PLK4: variants seen among roughly 807,000 people sequenced by gnomAD.
The protein encoded by PLK4 is serine/threonine-protein kinase PLK4.
A neutral mutation model predicts 103.0 loss-of-function variants in PLK4; 51 were observed. The observed-to-expected ratio is 0.50, with a 90% CI of 0.40 to 0.63. The LOEUF is 0.63. PLK4 is among the 20% of genes least tolerant of loss of function. The pLI is 0.00. For synonymous variants in PLK4, 389 were observed against 376.8 expected (o/e 1.03, Z -0.38); for missense variants, 1,054 against 1,151.0 (o/e 0.92, Z 1.22).
chr4:127,894,668 A>G (rs1005791213), intron 13 of PLK4, among the ~76,000 whole-genome samples: 2 of 152,198 alleles, frequency 1.3e-5, no homozygotes, highest in African/African-American at 4.8e-5. Context: ...TTAAAGAAAT[A>G]GGTGTGTATA....
In PLK4 at chr4:127,881,344, G is replaced by A. The variant is rs953195329; in HGVS notation, c.30+180G>A. On this transcript the variant is annotated intron_variant, in intron 1 of 15. Coordinates refer to ENST00000270861, the MANE Select transcript of PLK4 (RefSeq NM_014264.5). Reference sequence around the variant, plus strand: ...AGGGGCGGAGCGGCCCGCCCCTCAAGAGACAAGAGTAGGGAAGGCGGGACA... The same window carrying A: ...AGGGGCGGAGCGGCCCGCCCCTCAAAAGACAAGAGTAGGGAAGGCGGGACA... 5 of 1,458,972 alleles carry A rather than the reference G, an allele frequency of 3.4e-6. No homozygotes were observed. In the African/African-American group the frequency reaches 4.3e-5, roughly 12 times the overall value. The allele number at this position is 1,458,972 out of a possible 1,614,324, so 90.4% of individuals were successfully genotyped here. A position where few individuals can be genotyped will look rare whatever the true frequency, so the allele number is the denominator to read the frequency against.
At chr4:127,890,314 C>A in intron 7 of PLK4, 78 bp downstream of exon 7, 1 of 1,158,630 alleles carries the variant, frequency 8.6e-7, no homozygotes. Flanking sequence ...TTTTTTAGTC[C>A]TCTGTAATGT....
rs569066783 is a variant in PLK4, at chr4:127,891,242, T to C, written c.1935+46T>C. 21 of 964,248 alleles carry C rather than the reference T, an allele frequency of 2.2e-5. 1 individual carries two copies. In the South Asian group the frequency reaches 3.1e-4, roughly 14 times the overall value. 59.7% of individuals were successfully genotyped at this position (964,248 alleles called of 1,614,324 possible). On this transcript the variant is annotated intron_variant, in intron 8 of 15. Coordinates refer to ENST00000270861, the MANE Select transcript of PLK4 (RefSeq NM_014264.5). ...TACCTTGCAACTTCAAATTATCGTT[T>C]AAGCACGTTTAGCATTCTAATTCAT...
In PLK4 at chr4:127,890,193, C is replaced by G; in HGVS notation, c.1787C>G (p.Ala596Gly). Residue 596 changes from alanine to glycine, a missense_variant, in exon 7 of 16, where the codon GCT becomes GGT. Transcript: ENST00000270861. ...AGAAGCATTACATCTCCGTTGGTTG[C>G]TCACAGGTTAAAACCAATCAGACAG... ...TLRSITSPLV[A>G]HRLKPIRQKT... The G allele has an allele frequency of 6.2e-7, 1 of 1,613,070 alleles. No individual in the cohort carries two copies. Among genetic ancestry groups the G allele is most frequent in the Non-Finnish European group, 8.5e-7 (1 of 1,179,360 alleles).
At chr4:127,894,852 A>C in intron 13 of PLK4, 101 bp from the exon 14 acceptor site, 1 of 751,814 alleles carries the variant, frequency 1.3e-6, no homozygotes, top group Non-Finnish European at 2.0e-6. Context: ...TGTTTTTAAA[A>C]AAATTAAGCT....
intron 2 of PLK4, among the ~76,000 whole-genome samples, chr4:127,882,639 A>G (rs1232923674): frequency 6.6e-6 from 1 of 152,182 alleles, no homozygotes; most frequent in Non-Finnish European, 1.5e-5. Flanking sequence ...CACACCTGTA[A>G]TCCCAGCTAC....
chr4:127,886,650 C>G lies in PLK4; in HGVS notation c.1280C>G (p.Ala427Gly), dbSNP rs754107191. The change falls in exon 5 of 16, where the codon GCC becomes GGC. Residue 427 changes from alanine to glycine, a missense_variant. Physicochemically the swap from Ala to Gly is moderately conservative, Grantham distance 60 (BLOSUM62 0). This residue lies in a region of PLK4 where 680 missense variants were observed against 660.3 expected (regional missense o/e 1.03). Coordinates refer to ENST00000270861, the MANE Select transcript of PLK4 (RefSeq NM_014264.5). ...AGGTACTCACCCACAGACAACAATG[C>G]CAACATTTTTAACTTCTTTAAAGAA... is the stretch of plus-strand genomic sequence containing the variant. ...EERYSPTDNN[A>G]NIFNFFKEKT... 1 of 1,613,092 alleles carries G rather than the reference C, an allele frequency of 6.2e-7. No homozygotes were observed. The highest frequency in any genetic ancestry group is 1.3e-5 in the African/African-American group (1 of 75,014).
chr4:127,885,095 T>TA (rs768747773), intron 4 of PLK4, among the ~76,000 whole-genome samples: 131 of 150,858 alleles, frequency 8.7e-4, no homozygotes, highest in African/African-American at 2.0e-3. Flanking sequence ...TCTCAGTTGC[T>TA]AAAAAAAAAG....
Position 127,881,124 on chromosome 4 carries a change from A to C in PLK4, c.-11A>C. 6.2e-7 allele frequency: 1 copy of C among 1,613,786 alleles called. No individual in the cohort carries two copies. Among genetic ancestry groups the C allele is most frequent in the East Asian group, 2.2e-5 (1 of 44,868 alleles). On this transcript the variant is annotated 5_prime_UTR_variant, in exon 1 of 16. Transcript: ENST00000270861. ...AGCTAATCCGGAGAACCCAGGCCAG[A>C]GCCTGGAAATATGGCGACCTGCATC... is the stretch of plus-strand genomic sequence containing the variant.
chr4:127,882,891 G>A (rs980776156), intron 2 of PLK4, among the ~76,000 whole-genome samples: 17 of 152,012 alleles, frequency 1.1e-4, no homozygotes, highest in Non-Finnish European at 4.4e-5. Context: ...CTGCACTCCA[G>A]CCTAGGTGAC....
rs933959203 is a variant in PLK4 at position 127,891,591 on chromosome 4, T to C, written c.1948T>C (p.Tyr650His). 8 of 1,498,194 alleles carry C rather than the reference T, an allele frequency of 5.3e-6. No homozygotes were observed. In the Middle Eastern group the frequency reaches 5.6e-4, roughly 104 times the overall value. The allele number at this position is 1,498,194 out of a possible 1,614,324, so 92.8% of individuals were successfully genotyped here. Reference sequence around the variant, plus strand: ...AATCTTTTGGCAGATCACTATTTATTATCCAAATGGTGGTAGAGGTTTTCC... The same window carrying C: ...AATCTTTTGGCAGATCACTATTTATCATCCAAATGGTGGTAGAGGTTTTCC... The part of the protein sequence containing the change: ...SSDGNTITIY[Y>H]PNGGRGFPLA... The change falls in exon 9 of 16, where the codon TAT (tyrosine) becomes CAT (histidine). Residue 650 changes from tyrosine to histidine, a missense_variant. Around this residue, in one of 4 missense-constraint regions of PLK4, gnomAD observed 680 missense variants for 660.3 expected, o/e 1.03. Transcript: ENST00000270861.
At position 127,893,533 on chromosome 4, in the gene PLK4, A is replaced by C; in HGVS notation, c.2343A>C (p.Ala781=). The change falls in exon 12 of 16, where the codon GCA becomes GCC. Residue 781 remains alanine (A), a synonymous_variant. Coordinates refer to ENST00000270861, the MANE Select transcript of PLK4 (RefSeq NM_014264.5). ...HANEGHRICL[A]LESIISEEER... Reference sequence around the variant, plus strand: ...AATAGGGTCATCGTATTTGTTTAGCACTGGAATCCATAATTTCAGAAGAGG... The same window carrying C: ...AATAGGGTCATCGTATTTGTTTAGCCCTGGAATCCATAATTTCAGAAGAGG... 2 of 1,612,670 alleles carry C rather than the reference A, an allele frequency of 1.2e-6. No individual in the cohort carries two copies. The highest frequency in any genetic ancestry group is 1.7e-6 in the Non-Finnish European group (2 of 1,179,084).
intron 13 of PLK4, 88 bp downstream of exon 13, chr4:127,893,969 T>C (rs1735465831): frequency 2.6e-6 from 2 of 756,444 alleles, no homozygotes; most frequent in Admixed American, 4.9e-5. Context: ...GTGGCTTTAC[T>C]ATCATCTACG....
chr4:127,898,287 AT>A, intron 15 of PLK4, 151 bp from the exon 16 acceptor site: 1 of 526,188 alleles, frequency 1.9e-6, no homozygotes. Flanking sequence ...GCTTCACTTG[AT>A]TTAGGTATCT....
At chr4:127,891,059 T>C (rs750915381) in intron 7 of PLK4, 33 bp from the exon 8 acceptor site, 4 of 1,210,698 alleles carry the variant, frequency 3.3e-6, no homozygotes, top group Non-Finnish European at 4.8e-6. Flanking sequence ...AACAAAAGAA[T>C]TATTACTGAT....
chr4:127,889,363 ATTAATG>A (rs1358680583), intron 6 of PLK4, among the ~76,000 whole-genome samples: 1 of 152,192 alleles, frequency 6.6e-6, no homozygotes, highest in Non-Finnish European at 1.5e-5. Context: ...AATATTAAAT[ATTAATG>A]TTAAAGCTGT....
intron 6 of PLK4, 126 bp downstream of exon 6, chr4:127,887,622 A>G: frequency 3.1e-6 from 2 of 640,670 alleles, no homozygotes; most frequent in Non-Finnish European, 5.6e-6. Flanking sequence ...TCATGCCTGT[A>G]ATCCCAACAC....
intron 7 of PLK4, chr4:127,890,873 A>G (rs898887231): frequency 4.9e-5 from 17 of 343,602 alleles, no homozygotes; most frequent in Non-Finnish European, 6.3e-5. Flanking sequence ...CTCATTGATT[A>G]TCACTTCACA....
chr4:127,891,554 G>C, intron 8 of PLK4, 25 bp from the exon 9 acceptor site: 3 of 1,120,658 alleles, frequency 2.7e-6, no homozygotes, highest in Non-Finnish European at 3.9e-6. Context: ...CATGTAATTA[G>C]AATTTTAAAA....
Sources: gnomAD v4.1 joint callset for allele counts (sites outside exome capture counted in the v4.1 genomes callset) on GRCh38, gnomAD v4.1.1 for gene constraint, gnomAD v4.1.1 regional missense constraint, MANE v1.5 for transcripts, NCBI Gene and HGNC (gene_info 2026-07-23, HGNC 2026-07-21) for gene names.